The following COL4A6 variants were observed in gnomAD, a reference collection of about 807,000 sequenced individuals.
The protein encoded by COL4A6 is collagen alpha-6(IV) chain.
Under a neutral mutation model 126.7 loss-of-function variants are expected in COL4A6, and 59 were observed. That is an observed-to-expected ratio of 0.47 (90% CI 0.38 to 0.58). The LOEUF (loss-of-function observed/expected upper bound fraction) is 0.58. Ranked by LOEUF, COL4A6 falls within the 20% of genes least tolerant of loss-of-function variation. The pLI is 0.00. For synonymous variants in COL4A6, 547 were observed against 496.6 expected, an observed-to-expected ratio of 1.10 and a Z score of -1.35; for missense variants, 1,285 against 1,337.3, an observed-to-expected ratio of 0.96 and a Z score of 0.61.
intron 23 of COL4A6, chrX:108,183,878 G>A (rs889176906): frequency 2.4e-6 from 1 of 408,671 alleles, no homozygotes; most frequent in Non-Finnish European, 3.6e-6. Context: ...CAAATCCCTT[G>A]TCTGAACTTA....
At chrX:108,426,729 C>A (rs1365886420) in intron 2 of COL4A6, among the ~76,000 whole-genome samples, 1 of 112,059 alleles carries the variant, frequency 8.9e-6, no homozygotes, top group Non-Finnish European at 1.9e-5. Context: ...GAGGCAATCA[C>A]AATGAATGAG....
intron 3 of COL4A6, among the ~76,000 whole-genome samples, chrX:108,304,551 AG>A (rs1489014330): frequency 6.3e-5 from 7 of 111,879 alleles, no homozygotes; most frequent in African/African-American, 2.3e-4. Context: ...GGTGGAGAGG[AG>A]GGTGGAAACA....
intron 2 of COL4A6, among the ~76,000 whole-genome samples, 195 bp from the exon 3 acceptor site, chrX:108,311,023 A>C (rs2038747973): frequency 8.9e-6 from 1 of 112,222 alleles, no homozygotes; most frequent in Admixed American, 9.4e-5. Flanking sequence ...TACCTTATCA[A>C]ATAAATAGCC....
chrX:108,172,533 C>T lies in COL4A6; in HGVS notation c.3139-1G>A. The T allele has an allele frequency of 8.3e-7, 1 of 1,199,972 alleles. No homozygotes were observed. Among genetic ancestry groups the T allele is most frequent in the Non-Finnish European group, 1.1e-6 (1 of 888,057 alleles). ...GCGACCCTCTGATACCTTGTGAACC[C>T]TTCGAAGCAATATGGGAATCATCAT... On this transcript the variant is annotated splice_acceptor_variant, in intron 31 of 44. Transcript: ENST00000334504. LOFTEE classifies it high-confidence loss of function.
intron 3 of COL4A6, among the ~76,000 whole-genome samples, chrX:108,295,103 T>C (rs188737902): frequency 1.8e-5 from 2 of 112,311 alleles, no homozygotes; most frequent in Admixed American, 1.9e-4. Flanking sequence ...AATCTCTGTA[T>C]CTTAGTAGGA....
intron 2 of COL4A6, among the ~76,000 whole-genome samples, chrX:108,360,025 T>C (rs2040047766): frequency 8.9e-6 from 1 of 111,848 alleles, no homozygotes; most frequent in Non-Finnish European, 1.9e-5. Flanking sequence ...AACAGCTGTG[T>C]TGATCATATT....
In COL4A6 at chrX:108,328,386, A is replaced by C. The variant is rs755374742; in HGVS notation, c.64-17558T>G. On this transcript the variant is annotated intron_variant, in intron 2 of 44. Transcript: ENST00000334504. ...AAGGGGAAGAGGCGGTGGAAGGGGG[A>C]GAGGGAAAGGGGGAGAGAAGGAGGG... 1.5e-4 allele frequency among the ~76,000 whole-genome samples: 16 copies of C among 106,641 alleles called. No homozygotes were observed. In the South Asian group the frequency reaches 7.1e-3, roughly 47 times the overall value. The allele number at this position is 106,641 out of a possible 115,157, so 92.6% of individuals were successfully genotyped here.
chrX:108,373,016 A>C (rs1418297987), intron 2 of COL4A6, among the ~76,000 whole-genome samples: 1 of 111,824 alleles, frequency 8.9e-6, no homozygotes, highest in Non-Finnish European at 1.9e-5. Context: ...ACTCTTTTCC[A>C]CATATCTATC....
At chrX:108,249,540 A>G (rs1326087082) in intron 3 of COL4A6, among the ~76,000 whole-genome samples, 1 of 111,453 alleles carries the variant, frequency 9.0e-6, no homozygotes, top group Non-Finnish European at 1.9e-5. Context: ...TATTAAATGT[A>G]TTTGAGGGGT....
intron 3 of COL4A6, chrX:108,267,636 C>T (rs1044205055): frequency 1.8e-5 from 2 of 109,366 alleles, no homozygotes; most frequent in Non-Finnish European, 1.9e-5. Context: ...TACATACACA[C>T]ATGTATATAC....
intron 3 of COL4A6, among the ~76,000 whole-genome samples, chrX:108,233,470 A>G (rs187031693): frequency 2.7e-4 from 30 of 111,468 alleles, no homozygotes; most frequent in East Asian, 2.8e-4. Flanking sequence ...TAGAAGGAGT[A>G]AAAAAAGGGT....
At chrX:108,358,975 C>T (rs2040021242) in intron 2 of COL4A6, among the ~76,000 whole-genome samples, 1 of 111,205 alleles carries the variant, frequency 9.0e-6, no homozygotes, top group Non-Finnish European at 1.9e-5. Context: ...GCTTCAGAGT[C>T]CTAGGGACCG....
At chrX:108,167,916 C>T (rs2034181480) in intron 37 of COL4A6, among the ~76,000 whole-genome samples, 1 of 111,935 alleles carries the variant, frequency 8.9e-6, no homozygotes, top group Non-Finnish European at 1.9e-5. Flanking sequence ...TCTTCCTTCC[C>T]TTCCTCTCAG....
chrX:108,188,469 T>A, intron 21 of COL4A6, 48 bp downstream of exon 21: 1 of 1,063,049 alleles, frequency 9.4e-7, no homozygotes, highest in African/African-American at 1.9e-5. Flanking sequence ...TGAAGGGCAC[T>A]TGAAAGATTC....
chrX:108,333,415 C>T (rs932871010), intron 2 of COL4A6, among the ~76,000 whole-genome samples: 1 of 110,518 alleles, frequency 9.0e-6, no homozygotes, highest in East Asian at 2.8e-4. Flanking sequence ...AGGAACATAC[C>T]TCAAAATAAT....
intron 3 of COL4A6, among the ~76,000 whole-genome samples, chrX:108,302,772 G>A (rs1322701866): frequency 2.7e-5 from 3 of 111,051 alleles, no homozygotes; most frequent in Non-Finnish European, 5.7e-5. Context: ...GCCGAAGAAA[G>A]CCAACTCACC....
chrX:108,432,705 GGGC>G (rs1265795584), intron 2 of COL4A6, among the ~76,000 whole-genome samples: 7 of 110,744 alleles, frequency 6.3e-5, no homozygotes, highest in Non-Finnish European at 1.3e-4. Flanking sequence ...GTGTGATGGC[GGGC>G]ACCTGTAGTC....
chrX:108,179,162 G>T (rs1451864558), intron 26 of COL4A6, 55 bp downstream of exon 26: 2 of 1,066,111 alleles, frequency 1.9e-6, no homozygotes, highest in South Asian at 2.0e-5. Context: ...GGAAGTATAC[G>T]AATTAATATA....
In COL4A6 at chrX:108,164,859, C is replaced by A; in HGVS notation, c.3970+18G>T. 1 of 1,193,729 alleles carries A rather than the reference C, an allele frequency of 8.4e-7. No individual in the cohort carries two copies. Among genetic ancestry groups the A allele is most frequent in the East Asian group, 3.0e-5 (1 of 33,550 alleles). ...CGTGGAGTGGGGAAGGGCCCAGCAG[C>A]CAGCCGAGCAGCCGTACCTTTCAGT... is the stretch of plus-strand genomic sequence containing the variant. On this transcript the variant is annotated intron_variant, in intron 39 of 44. Coordinates refer to ENST00000334504, the MANE Select transcript of COL4A6 (RefSeq NM_033641.4).
Sources: gnomAD v4.1 joint callset for allele counts (sites outside exome capture counted in the v4.1 genomes callset) on GRCh38, gnomAD v4.1.1 for gene constraint, MANE v1.5 for transcripts, NCBI Gene and HGNC (gene_info 2026-07-23, HGNC 2026-07-21) for gene names.